The following NBPF20 variants were observed in gnomAD, a reference collection of about 807,000 sequenced individuals.
NBPF20 encodes NBPF member 20.
A neutral mutation model predicts 68.1 loss-of-function variants in NBPF20; 90 were observed. The observed-to-expected ratio is 1.32, with a 90% CI of 1.11 to 1.58. The LOEUF is 1.58. NBPF20 is among the 40% of genes most tolerant of loss of function. NBPF20 has a pLI of 0.00. For synonymous variants in NBPF20, 290 were observed against 228.1 expected, an observed-to-expected ratio of 1.27 and a Z score of -2.45; for missense variants, 816 against 601.2, an observed-to-expected ratio of 1.36 and a Z score of -3.74.
intron 61 of NBPF20, among the ~76,000 whole-genome samples, chr1:145,352,346 C>CAGAG (rs1323512924): frequency 8.2e-4 from 65 of 79,296 alleles, no homozygotes; most frequent in East Asian, 3.1e-3. Context: ...CACACACACA[C>CAGAG]AGAGAGAACG....
chr1:145,393,641 G>C (rs1163267276), intron 9 of NBPF20: 1 of 1,019,304 alleles, frequency 9.8e-7, no homozygotes, highest in Admixed American at 2.6e-5. Flanking sequence ...TTTCCCTGCA[G>C]TTACCATGAG....
chr1:145,425,082 C>T, the NBPF20 span, among the ~76,000 whole-genome samples: 1 of 152,070 alleles, frequency 6.6e-6, no homozygotes, highest in South Asian at 2.1e-4. Context: ...GCTGCTCGTC[C>T]CTCCACCCCC....
intron 9 of NBPF20, 102 bp from the exon 15 acceptor site, chr1:145,393,348 A>T: frequency 1.4e-6 from 1 of 702,936 alleles, no homozygotes; most frequent in Non-Finnish European, 2.6e-6. Context: ...TTGAAAAGAA[A>T]AAGGACAGAT....
At chr1:145,393,453 AC>A (rs1662025514) in intron 9 of NBPF20, among the ~76,000 whole-genome samples, 2 of 118,972 alleles carry the variant, frequency 1.7e-5, no homozygotes, top group African/African-American at 3.1e-5. Flanking sequence ...TCACACACAC[AC>A]ACAAACACAC....
chr1:145,341,573 G>T, exon 75 of NBPF20: 1 of 11,996 alleles, frequency 8.3e-5, no homozygotes, highest in South Asian at 3.5e-4. Flanking sequence ...CCTGGGGCAT[G>T]GTGGGTTTTG....
At chr1:145,393,453 A>C (rs1249105349) in intron 9 of NBPF20, among the ~76,000 whole-genome samples, 4 of 118,972 alleles carry the variant, frequency 3.4e-5, no homozygotes, top group African/African-American at 1.2e-4. Flanking sequence ...TCACACACAC[A>C]CACAAACACA....
At chr1:145,311,942 G>T (rs1402987411) in intron 112 of NBPF20, among the ~76,000 whole-genome samples, 3 of 106,044 alleles carry the variant, frequency 2.8e-5, no homozygotes, top group Non-Finnish European at 5.6e-5. Context: ...GTGTGAATTT[G>T]TCACATCTGC....
At chr1:145,408,670 T>A (rs192131984), upstream of NBPF20, among the ~76,000 whole-genome samples, 11 of 151,898 alleles carry the variant, frequency 7.2e-5, no homozygotes, top group African/African-American at 2.4e-4. Flanking sequence ...ACTAGAAATA[T>A]TAATCAGAAT....
At chr1:145,424,588 G>A in the NBPF20 span, among the ~76,000 whole-genome samples, 1 of 152,178 alleles carries the variant, frequency 6.6e-6, no homozygotes, top group Non-Finnish European at 1.5e-5. Context: ...TGCAAGAAAA[G>A]ACTTCTTTTC....
At chr1:145,292,470 C>T (rs782635498) in exon 137 of NBPF20, 5 of 715,870 alleles carry the variant, frequency 7.0e-6, no homozygotes, top group Middle Eastern at 3.8e-4. Flanking sequence ...TTTTCTTCCC[C>T]TTCCCCTTCT....
chr1:145,389,946 C>T, exon 14 of NBPF20: 1 of 90,642 alleles, frequency 1.1e-5, no homozygotes, highest in Non-Finnish European at 1.8e-5. Flanking sequence ...GTACTCACCT[C>T]CCACGTCAAG....
intron 29 of NBPF20, among the ~76,000 whole-genome samples, chr1:145,377,641 GGAGA>G (rs1304185362): frequency 1.4e-4 from 20 of 138,134 alleles, no homozygotes; most frequent in Non-Finnish European, 2.4e-4. Flanking sequence ...GGAGAGGGAG[GGAGA>G]GAGAGAGAGA....
rs368822175 is a variant in NBPF20, at chr1:145,291,572, G to C, written c.16895C>G (p.Thr5632Arg). The C allele has an allele frequency of 5.7e-5, 92 of 1,611,986 alleles. 1 individual carries two copies. Among genetic ancestry groups the C allele is most frequent in the African/African-American group, 1.2e-4 (9 of 74,958 alleles). The change falls in exon 138 of 138, where the codon ACA becomes AGA. Residue 5632 changes from threonine to arginine, a missense_variant. Transcript: ENST00000369373. ...CATCTGGAACACCAGGTGGAGACTT[G>C]TCACCGTCAAAGTAAAAAACCTATT...
chr1:145,395,589 C>A (rs1662189292), intron 7 of NBPF20, among the ~76,000 whole-genome samples: 1 of 149,676 alleles, frequency 6.7e-6, no homozygotes, highest in East Asian at 1.9e-4. Flanking sequence ...TTTTCAATTT[C>A]TTTTCTTGCA....
chr1:145,413,405 A>T, the NBPF20 span, among the ~76,000 whole-genome samples: 2 of 151,628 alleles, frequency 1.3e-5, no homozygotes, highest in Non-Finnish European at 2.9e-5. Flanking sequence ...AAAAACTGGA[A>T]ACATTCAAAT....
the NBPF20 span, among the ~76,000 whole-genome samples, chr1:145,415,304 GGGCTTTACACCGAGACA>G: frequency 6.6e-6 from 1 of 151,368 alleles, no homozygotes; most frequent in Non-Finnish European, 1.5e-5. Context: ...ATATACAATC[GGGCTTTACACCGAGACA>G]TTCCATTGCC....
intron 9 of NBPF20, 67 bp from the exon 15 acceptor site, chr1:145,393,313 T>C (rs1662005807): frequency 2.9e-6 from 2 of 679,666 alleles, no homozygotes; most frequent in Non-Finnish European, 2.7e-6. Flanking sequence ...CCCAGCTAGA[T>C]TTCATGGCTA....
At chr1:145,393,427 A>G (rs1345196546) in intron 9 of NBPF20, among the ~76,000 whole-genome samples, 181 bp from the exon 15 acceptor site, 1 of 147,084 alleles carries the variant, frequency 6.8e-6, no homozygotes, top group Non-Finnish European at 1.5e-5. Flanking sequence ...AAAGGATGAA[A>G]GAGAGAGACA....
chr1:145,291,573 T>A (rs1341974325), exon 138 of NBPF20: 1 of 1,611,990 alleles, frequency 6.2e-7, no homozygotes, highest in Non-Finnish European at 8.5e-7. Flanking sequence ...TGGAGACTTG[T>A]CACCGTCAAA....
Sources: gnomAD v4.1 joint callset for allele counts (sites outside exome capture counted in the v4.1 genomes callset) on GRCh38, gnomAD v4.1.1 for gene constraint, MANE v1.5 for transcripts, NCBI Gene and HGNC (gene_info 2026-07-23, HGNC 2026-07-21) for gene names.